Variants in PICALM observed in about 807,000 individuals in gnomAD.
The protein encoded by PICALM is phosphatidylinositol binding clathrin assembly protein.
A neutral mutation model predicts 80.5 loss-of-function variants in PICALM; 40 were observed. The observed-to-expected ratio is 0.50, with a 90% confidence interval of 0.39 to 0.65. PICALM has a LOEUF of 0.65. PICALM is among the 30% of genes least tolerant of loss of function. PICALM has a pLI of 0.00. For missense variants in PICALM, 676 were observed against 778.9 expected, an observed-to-expected ratio of 0.87 and a Z score of 1.57; for synonymous variants, 288 against 260.3, an observed-to-expected ratio of 1.11 and a Z score of -1.02.
chr11:85,994,842 G>T (rs595972), intron 12 of PICALM, among the ~76,000 whole-genome samples: 124,141 of 152,204 alleles, frequency 0.82, 50,824 homozygotes, highest in African/African-American at 0.89. Context: ...AAGCTGAGAT[G>T]ACAGATGTGT....
chr11:85,998,733 G>T (rs536719972), intron 11 of PICALM, among the ~76,000 whole-genome samples: 6 of 152,254 alleles, frequency 3.9e-5, no homozygotes, highest in African/African-American at 1.4e-4. Context: ...AGCCATGGCT[G>T]TGCCACTGCA....
chr11:85,971,748 C>A lies in PICALM; in HGVS notation c.1944+2960G>T, dbSNP rs995744785. 4.0e-3 allele frequency among the ~76,000 whole-genome samples: 587 copies of A among 147,006 alleles called. 1 individual carries two copies. Among genetic ancestry groups the A allele is most frequent in the African/African-American group, 0.012 (500 of 40,082 alleles). On this transcript the variant is annotated intron_variant, in intron 19 of 19. Coordinates refer to ENST00000393346, the MANE Select transcript of PICALM (RefSeq NM_007166.4). ...AAGACCCTGTCTCAAAAAAAAAAAA[C>A]AAAACAAAAACAGAGCAGATGCTGG...
intron 1 of PICALM, among the ~76,000 whole-genome samples, chr11:86,033,507 C>T (rs192648025): frequency 1.3e-5 from 2 of 152,254 alleles, no homozygotes; most frequent in Admixed American, 6.5e-5. Context: ...GCTCCCTTCG[C>T]TTCCTTCCCA....
Position 86,068,926 on chromosome 11 carries a change from G to T in PICALM, c.-146C>A. On this transcript the variant is annotated 5_prime_UTR_variant, in exon 1 of 20. Coordinates refer to ENST00000393346, the MANE Select transcript of PICALM (RefSeq NM_007166.4). The stretch of plus-strand genomic sequence containing the variant: ...CCGGCCTGGGGCGCGGTTCGGGGCC[G>T]CGCGCTGCCACCAGTCCAGAGAGAA... 1 of 1,106,038 alleles carries T rather than the reference G, an allele frequency of 9.0e-7. No individual in the cohort carries two copies. Among genetic ancestry groups the T allele is most frequent in the Non-Finnish European group, 1.2e-6 (1 of 801,470 alleles). 68.5% of individuals were successfully genotyped at this position (1,106,038 alleles called of 1,614,324 possible).
At chr11:85,972,279 G>A (rs1445632644) in intron 19 of PICALM, among the ~76,000 whole-genome samples, 1 of 152,194 alleles carries the variant, frequency 6.6e-6, no homozygotes, top group East Asian at 1.9e-4. Context: ...AACCTAAGGA[G>A]TGTGCAGACT....
chr11:86,035,117 A>G (rs1342877576), intron 1 of PICALM, among the ~76,000 whole-genome samples: 5 of 109,448 alleles, frequency 4.6e-5, no homozygotes, highest in African/African-American at 1.8e-4. Context: ...TTGTATTCTG[A>G]GGAAGTCTTT....
chr11:85,963,817 C>A (rs1002570307), intron 19 of PICALM, among the ~76,000 whole-genome samples: 5 of 151,676 alleles, frequency 3.3e-5, no homozygotes, highest in African/African-American at 9.7e-5. Flanking sequence ...AGTGTAGTGG[C>A]GCAGTCACGG....
At chr11:85,980,209 C>A (rs1047725538) in intron 17 of PICALM, among the ~76,000 whole-genome samples, 8 of 152,096 alleles carry the variant, frequency 5.3e-5, no homozygotes, top group Non-Finnish European at 1.0e-4. Context: ...GGACACTCTG[C>A]CTTGGTTCAG....
At chr11:86,006,673 T>A (rs1441000148) in intron 8 of PICALM, among the ~76,000 whole-genome samples, 2 of 152,056 alleles carry the variant, frequency 1.3e-5, no homozygotes, top group African/African-American at 4.8e-5. Flanking sequence ...CAAAAAAATG[T>A]CCTGGAATAA....
intron 19 of PICALM, among the ~76,000 whole-genome samples, chr11:85,962,216 G>A (rs953260834): frequency 6.6e-6 from 1 of 152,090 alleles, no homozygotes; most frequent in African/African-American, 2.4e-5. Context: ...CCTCTTCAGC[G>A]CAACCACGGA....
chr11:85,962,478 G>A (rs1197195196), intron 19 of PICALM, among the ~76,000 whole-genome samples: 1 of 152,190 alleles, frequency 6.6e-6, no homozygotes, highest in Non-Finnish European at 1.5e-5. Flanking sequence ...CACCAGGGTA[G>A]CAGTCTGAAG....
chr11:86,067,403 A>C (rs2096462148), intron 1 of PICALM, among the ~76,000 whole-genome samples: 1 of 152,228 alleles, frequency 6.6e-6, no homozygotes, highest in East Asian at 1.9e-4. Flanking sequence ...TTTCAGGTCT[A>C]AGCTCCATTG....
intron 1 of PICALM, among the ~76,000 whole-genome samples, chr11:86,063,737 T>A (rs997413902): frequency 6.6e-6 from 1 of 152,232 alleles, no homozygotes; most frequent in African/African-American, 2.4e-5. Flanking sequence ...TTCTATTTTC[T>A]GTATTGCAAA....
chr11:86,060,802 A>T (rs1003072747), intron 1 of PICALM, among the ~76,000 whole-genome samples: 3 of 152,138 alleles, frequency 2.0e-5, no homozygotes, highest in African/African-American at 7.2e-5. Context: ...AATGGATCAC[A>T]GACCTAAATG....
At chr11:85,967,883 A>T (rs1373846076) in intron 19 of PICALM, among the ~76,000 whole-genome samples, 2 of 152,260 alleles carry the variant, frequency 1.3e-5, no homozygotes, top group African/African-American at 4.8e-5. Context: ...ACAACAAGCC[A>T]TCATTTCCTT....
At chr11:86,068,513 G>A in intron 1 of PICALM, 138 bp downstream of exon 1, 3 of 744,526 alleles carry the variant, frequency 4.0e-6, no homozygotes, top group Non-Finnish European at 4.2e-6. Flanking sequence ...ACAGCTCAAC[G>A]GGCACAGGAC....
intron 1 of PICALM, among the ~76,000 whole-genome samples, chr11:86,044,161 A>G (rs2096025390): frequency 6.6e-6 from 1 of 152,242 alleles, no homozygotes; most frequent in African/African-American, 2.4e-5. Flanking sequence ...ACAAATGAAC[A>G]AATAGATGGT....
intron 17 of PICALM, chr11:85,978,040 T>C (rs775534184): frequency 1.0e-5 from 16 of 1,591,180 alleles, no homozygotes; most frequent in East Asian, 2.2e-5. Context: ...TGCCAATTTA[T>C]TGCAAAAAGG....
intron 19 of PICALM, among the ~76,000 whole-genome samples, chr11:85,963,135 A>G (rs984916004): frequency 6.6e-6 from 1 of 152,258 alleles, no homozygotes; most frequent in Non-Finnish European, 1.5e-5. Context: ...GGGTTGCTAA[A>G]GAACATAAAA....
Sources: allele counts gnomAD v4.1 joint callset (sites outside exome capture counted in the v4.1 genomes callset), GRCh38; gene constraint gnomAD v4.1.1; transcripts MANE v1.5; gene names NCBI Gene and HGNC (gene_info 2026-07-23, HGNC 2026-07-21).